Variants in EFL1 observed in about 807,000 individuals in gnomAD.
The protein encoded by EFL1 is elongation factor like GTPase 1.
Under a neutral mutation model 126.7 loss-of-function variants are expected in EFL1, and 76 were observed. The observed-to-expected ratio is 0.60, with a 90% confidence interval of 0.50 to 0.73. The LOEUF (loss-of-function observed/expected upper bound fraction) is 0.73. Ranked by LOEUF, EFL1 falls within the 30% of genes least tolerant of loss-of-function variation. The pLI, the probability that EFL1 is intolerant of heterozygous loss-of-function variation, is 0.00. For missense variants in EFL1, 1,128 were observed against 1,343.2 expected, an observed-to-expected ratio of 0.84 and a Z score of 2.50; for synonymous variants, 410 against 448.4, an observed-to-expected ratio of 0.91 and a Z score of 1.08.
At chr15:82,188,608 C>T (rs1270193470) in intron 15 of EFL1, among the ~76,000 whole-genome samples, 2 of 152,140 alleles carry the variant, frequency 1.3e-5, no homozygotes, top group South Asian at 2.1e-4. Context: ...TACAACCCTA[C>T]TCTATCTACT....
intron 15 of EFL1, among the ~76,000 whole-genome samples, chr15:82,200,330 A>G (rs966693449): frequency 6.6e-6 from 1 of 152,254 alleles, no homozygotes; most frequent in African/African-American, 2.4e-5. Flanking sequence ...GCTTAAGTCT[A>G]TACAGCACAC....
chr15:82,162,004 A>C (rs897468947), intron 16 of EFL1, among the ~76,000 whole-genome samples: 4 of 152,240 alleles, frequency 2.6e-5, no homozygotes, highest in African/African-American at 9.6e-5. Flanking sequence ...TAGGCCAGGC[A>C]CAGTGGCTCA....
At chr15:82,145,988 A>G (rs1209979310) in intron 18 of EFL1, among the ~76,000 whole-genome samples, 1 of 152,110 alleles carries the variant, frequency 6.6e-6, no homozygotes, top group African/African-American at 2.4e-5. Context: ...AAAAAATACA[A>G]AAAGAATTCA....
chr15:82,244,218 C>G (rs1282467901), intron 4 of EFL1, among the ~76,000 whole-genome samples: 1 of 152,052 alleles, frequency 6.6e-6, no homozygotes, highest in Non-Finnish European at 1.5e-5. Context: ...AAAAAACGTC[C>G]CCAAGCACAG....
intron 2 of EFL1, among the ~76,000 whole-genome samples, chr15:82,259,707 T>A (rs188740495): frequency 1.3e-5 from 2 of 152,338 alleles, no homozygotes; most frequent in Non-Finnish European, 2.9e-5. Context: ...TGAGATTTTA[T>A]GTGATATAAA....
At chr15:82,164,284 G>A (rs905240647) in intron 15 of EFL1, among the ~76,000 whole-genome samples, 2 of 152,224 alleles carry the variant, frequency 1.3e-5, no homozygotes, top group East Asian at 3.9e-4. Flanking sequence ...ATATTTGTCT[G>A]AAAACACTGA....
intron 4 of EFL1, among the ~76,000 whole-genome samples, chr15:82,248,372 G>A (rs2074992133): frequency 6.6e-6 from 1 of 152,138 alleles, no homozygotes; most frequent in Admixed American, 6.5e-5. Context: ...CAGAGGAAAA[G>A]GGAAGCTACT....
chr15:82,184,109 A>G (rs2074279296), intron 15 of EFL1, among the ~76,000 whole-genome samples: 1 of 152,244 alleles, frequency 6.6e-6, no homozygotes, highest in African/African-American at 2.4e-5. Flanking sequence ...GTGGTTAATA[A>G]TTATTTTTAG....
At chr15:82,212,423 A>G (rs1311160030) in intron 15 of EFL1, among the ~76,000 whole-genome samples, 2 of 152,256 alleles carry the variant, frequency 1.3e-5, no homozygotes, top group Non-Finnish European at 2.9e-5. Context: ...TGAGGCCATA[A>G]AACTAGTTAG....
chr15:82,231,463 A>G lies in EFL1; in HGVS notation c.732-492T>C, dbSNP rs538585423. Among the ~76,000 whole-genome samples, 7 of 152,276 alleles carry G rather than the reference A, an allele frequency of 4.6e-5. No individual in the cohort carries two copies. In the East Asian group the frequency reaches 1.2e-3, roughly 25 times the overall value. On this transcript the variant is annotated intron_variant, in intron 7 of 19. Coordinates refer to ENST00000268206, the MANE Select transcript of EFL1 (RefSeq NM_024580.6). ...TACACACACTGACTTAACTCGCATC[A>G]ACCCACAGAGAAAAACCACTTACCA...
intron 19 of EFL1, among the ~76,000 whole-genome samples, chr15:82,134,035 G>C (rs1213961449): frequency 1.3e-5 from 2 of 152,198 alleles, no homozygotes; most frequent in African/African-American, 4.8e-5. Context: ...TTGCTTAGCT[G>C]TGCGATCTTG....
intron 14 of EFL1, among the ~76,000 whole-genome samples, chr15:82,217,412 A>G (rs573851485): frequency 4.8e-4 from 72 of 149,322 alleles, no homozygotes; most frequent in African/African-American, 1.7e-3. Context: ...CAGCAAATAT[A>G]TAGTGACCAA....
At chr15:82,171,242 T>G (rs925580277) in intron 15 of EFL1, among the ~76,000 whole-genome samples, 14 of 152,230 alleles carry the variant, frequency 9.2e-5, no homozygotes, top group African/African-American at 3.4e-4. Flanking sequence ...GTGAGCTATT[T>G]CTGTTAGTCG....
At chr15:82,168,922 C>A (rs1031705326) in intron 15 of EFL1, among the ~76,000 whole-genome samples, 2 of 152,164 alleles carry the variant, frequency 1.3e-5, no homozygotes, top group African/African-American at 4.8e-5. Context: ...TGGAAATATG[C>A]TGGCTTACTA....
chr15:82,152,122 G>C lies in EFL1; in HGVS notation c.2332C>G (p.Gln778Glu), dbSNP rs1280672308. ...ENSDLIRSME[Q>E]LTSSLNEGEN... is the part of the protein sequence containing the mutation. ...CCCTCATTCAAAGAGGATGTCAACT[G>C]CTCCATAGAACGAATCAAATCACTA... is the stretch of plus-strand genomic sequence containing the variant. Residue 778 changes from glutamine (Q) to glutamate (E), a missense_variant, in exon 18 of 20, where the codon CAG (glutamine) becomes GAG (glutamate). Around this residue, in one of 6 missense-constraint regions of EFL1, gnomAD observed 561 missense variants for 641.7 expected, o/e 0.87. Transcript: ENST00000268206. 18 of 1,613,990 alleles carry C rather than the reference G, an allele frequency of 1.1e-5. No homozygotes were observed. The highest frequency in any genetic ancestry group is 1.7e-5 in the Admixed American group (1 of 60,002).
chr15:82,166,409 T>C (rs867612318), intron 15 of EFL1, among the ~76,000 whole-genome samples: 1 of 152,228 alleles, frequency 6.6e-6, no homozygotes, highest in East Asian at 1.9e-4. Flanking sequence ...TAGCTAAGAT[T>C]AGAATTTATG....
intron 7 of EFL1, among the ~76,000 whole-genome samples, chr15:82,237,554 C>T (rs2074886142): frequency 6.6e-6 from 1 of 152,194 alleles, no homozygotes; most frequent in African/African-American, 2.4e-5. Context: ...GCATGCACTG[C>T]TGGTGAGAAT....
chr15:82,238,662 T>G (rs2074899448), intron 6 of EFL1, 141 bp from the exon 7 acceptor site: 2 of 670,720 alleles, frequency 3.0e-6, no homozygotes, highest in Admixed American at 5.7e-5. Context: ...GAGGTGACAT[T>G]CATAATCAGT....
chr15:82,229,850 A>G (rs1370528086), intron 8 of EFL1, among the ~76,000 whole-genome samples: 6 of 152,340 alleles, frequency 3.9e-5, no homozygotes, highest in African/African-American at 1.4e-4. Flanking sequence ...ACAAAATAAA[A>G]TAACAGGGTG....
Sources: allele counts gnomAD v4.1 joint callset (sites outside exome capture counted in the v4.1 genomes callset), GRCh38; gene constraint gnomAD v4.1.1; regional missense constraint gnomAD v4.1.1; transcripts MANE v1.5; gene names NCBI Gene and HGNC (gene_info 2026-07-23, HGNC 2026-07-21).